ACOT11: variants seen among roughly 807,000 people sequenced by gnomAD.
The protein encoded by ACOT11 is acyl-coenzyme A thioesterase 11.
Under a neutral mutation model 77.5 loss-of-function variants are expected in ACOT11, and 69 were observed. The observed-to-expected ratio is 0.89, with a 90% CI of 0.73 to 1.09. ACOT11 has a LOEUF of 1.09. Ranked by LOEUF, ACOT11 falls within the 50% of genes least tolerant of loss-of-function variation. ACOT11 has a pLI of 0.00. For synonymous variants in ACOT11, 279 were observed against 313.0 expected (o/e 0.89, Z 1.15); for missense variants, 766 against 813.7 (o/e 0.94, Z 0.71).
intron 10 of ACOT11, among the ~76,000 whole-genome samples, chr1:54,603,178 A>C (rs1331385352): frequency 1.3e-5 from 2 of 152,180 alleles, no homozygotes; most frequent in African/African-American, 4.8e-5. Flanking sequence ...CTCTACTAAA[A>C]ATACAAAAAT....
At chr1:54,617,765 C>G (rs1388568137) in intron 15 of ACOT11, among the ~76,000 whole-genome samples, 1 of 124,810 alleles carries the variant, frequency 8.0e-6, no homozygotes, top group Non-Finnish European at 1.6e-5. Flanking sequence ...GCTCTGTTGC[C>G]CAGGCTGGAG....
intron 15 of ACOT11, among the ~76,000 whole-genome samples, chr1:54,620,765 C>T (rs533392700): frequency 6.7e-6 from 1 of 148,282 alleles, no homozygotes; most frequent in African/African-American, 2.5e-5. Context: ...AGGAGAATCA[C>T]CTGAACCCGA....
At chr1:54,618,799 A>C (rs1644200293) in intron 15 of ACOT11, among the ~76,000 whole-genome samples, 1 of 151,940 alleles carries the variant, frequency 6.6e-6, no homozygotes, top group Non-Finnish European at 1.5e-5. Context: ...TCCAGTCCCC[A>C]CCCTAACACT....
rs747945837 is a variant in ACOT11, at chr1:54,607,162, G to A, written c.1399G>A (p.Glu467Lys). ...RSVELVQQVD[E>K]DDAIYHVTSP... ...CGTGGAGCTAGTGCAGCAGGTAGAC[G>A]AGGACGACGCCATCTACCACGTCAC... Residue 467 changes from glutamate (E) to lysine (K), a missense_variant, in exon 14 of 16, where the codon GAG (glutamate) becomes AAG (lysine). Glu to Lys is a moderately conservative substitution (Grantham distance 56). Transcript: ENST00000343744. This position sits in a 1 kb window ranked among gnomAD's most constrained non-coding sequence, Gnocchi z 4.5. The A allele has an allele frequency of 1.1e-5, 18 of 1,614,034 alleles. No individual in the cohort carries two copies. Among genetic ancestry groups the A allele is most frequent in the Middle Eastern group, 1.6e-4 (1 of 6,084 alleles).
chr1:54,609,125 G>T lies in ACOT11; in HGVS notation c.*13G>T. The T allele has an allele frequency of 6.8e-6, 11 of 1,613,940 alleles. No individual in the cohort carries two copies. Among genetic ancestry groups the T allele is most frequent in the African/African-American group, 1.3e-5 (1 of 75,020 alleles). ...CCAGACCCTCTAGATGCCCTCAGTGGCCACATCATGCCCACTCCCACTCCA... is the reference window on the plus strand; with the variant it reads ...CCAGACCCTCTAGATGCCCTCAGTGTCCACATCATGCCCACTCCCACTCCA... On this transcript the variant is annotated 3_prime_UTR_variant, in exon 16 of 16. Transcript: ENST00000343744.
intron 1 of ACOT11, among the ~76,000 whole-genome samples, chr1:54,560,473 G>A (rs1408053784): frequency 6.6e-6 from 1 of 152,120 alleles, no homozygotes; most frequent in Non-Finnish European, 1.5e-5. Context: ...GTAATAATTT[G>A]TCCTCAGCAA....
chr1:54,596,812 G>C (rs546058187), intron 6 of ACOT11, among the ~76,000 whole-genome samples: 2 of 152,150 alleles, frequency 1.3e-5, no homozygotes, highest in South Asian at 4.2e-4. Context: ...TGGCCTCAAG[G>C]GATCTACCCT....
chr1:54,587,252 C>T (rs758403432), intron 3 of ACOT11, among the ~76,000 whole-genome samples: 7 of 152,086 alleles, frequency 4.6e-5, no homozygotes, highest in Non-Finnish European at 7.4e-5. Flanking sequence ...TGGTAGCTCA[C>T]GCCTGTAATC....
At chr1:54,568,910 A>G (rs1653836497) in intron 1 of ACOT11, among the ~76,000 whole-genome samples, 1 of 151,784 alleles carries the variant, frequency 6.6e-6, no homozygotes, top group South Asian at 2.1e-4. Flanking sequence ...TTCTTTTACC[A>G]GACTGGGCAA....
chr1:54,601,793 C>T (rs1251406422), intron 9 of ACOT11, among the ~76,000 whole-genome samples: 3 of 152,204 alleles, frequency 2.0e-5, no homozygotes, highest in Non-Finnish European at 4.4e-5. Context: ...GGTGTATCTG[C>T]AGTCCCTACC....
At chr1:54,567,646 C>T (rs1345036641) in intron 1 of ACOT11, among the ~76,000 whole-genome samples, 3 of 151,502 alleles carry the variant, frequency 2.0e-5, no homozygotes, top group East Asian at 2.0e-4. Flanking sequence ...CCTAGCCGCT[C>T]GCAAACCCTC....
Position 54,599,279 on chromosome 1 carries a change from C to A in ACOT11, c.765-17C>A. On this transcript the variant is annotated splice_polypyrimidine_tract_variant and intron_variant, in intron 7 of 15. Transcript: ENST00000343744. Reference sequence around the variant, plus strand: ...ACCAGGGGCATTCCTTCTGTCTCCCCACCCCTGCCTCCTCAGCCGGCTCTG... The same window carrying A: ...ACCAGGGGCATTCCTTCTGTCTCCCAACCCCTGCCTCCTCAGCCGGCTCTG... 6.6e-7 allele frequency: 1 copy of A among 1,516,268 alleles called. No individual in the cohort carries two copies. The highest frequency in any genetic ancestry group is 2.5e-4 in the Middle Eastern group (1 of 4,048). The allele number at this position is 1,516,268 out of a possible 1,614,324, so 93.9% of individuals were successfully genotyped here. A position where few individuals can be genotyped will look rare whatever the true frequency, so the allele number is the denominator to read the frequency against.
chr1:54,565,063 A>G (rs1326565179), intron 1 of ACOT11, among the ~76,000 whole-genome samples: 1 of 151,996 alleles, frequency 6.6e-6, no homozygotes, highest in African/African-American at 2.4e-5. Context: ...GTCTTCCCCC[A>G]CACCACCCCA....
chr1:54,577,018 T>C (rs1445427322), intron 1 of ACOT11, among the ~76,000 whole-genome samples: 1 of 152,210 alleles, frequency 6.6e-6, no homozygotes, highest in Non-Finnish European at 1.5e-5. Context: ...TGCTTTCTGC[T>C]TTCACCATAT....
intron 1 of ACOT11, among the ~76,000 whole-genome samples, chr1:54,565,284 A>G (rs904902418): frequency 6.6e-5 from 10 of 152,336 alleles, no homozygotes; most frequent in African/African-American, 1.9e-4. Context: ...TGGGATCCAC[A>G]GGTCGGAAAC....
At chr1:54,638,187 A>G (rs182131278) in exon 17 of ACOT11, 4 of 152,314 alleles carry the variant, frequency 2.6e-5, no homozygotes, top group African/African-American at 7.2e-5. Context: ...TAGATTGATC[A>G]CCAAAAAGGT....
intron 6 of ACOT11, among the ~76,000 whole-genome samples, chr1:54,595,994 C>T (rs1319206092): frequency 1.3e-5 from 2 of 152,286 alleles, no homozygotes; most frequent in Admixed American, 6.5e-5. Context: ...CTGGGGAGGC[C>T]CAGCTCTTCC....
chr1:54,599,428 G>C lies in ACOT11; in HGVS notation c.884+13G>C. 6.3e-7 allele frequency: 1 copy of C among 1,597,112 alleles called. No individual in the cohort carries two copies. On this transcript the variant is annotated intron_variant, in intron 8 of 15. Coordinates refer to ENST00000343744, the MANE Select transcript of ACOT11 (RefSeq NM_147161.4). ...CCTTCAAACATAGGTGAGGGTCTGG[G>C]ATGGGTGCGGCCACGTCCATTCAGG... is the stretch of plus-strand genomic sequence containing the variant.
At chr1:54,590,956 C>T (rs991118201) in intron 3 of ACOT11, among the ~76,000 whole-genome samples, 5 of 152,086 alleles carry the variant, frequency 3.3e-5, no homozygotes, top group Non-Finnish European at 7.4e-5. Flanking sequence ...TAGAGTTTCA[C>T]CATGTTGGCC....
Sources: allele counts gnomAD v4.1 joint callset (sites outside exome capture counted in the v4.1 genomes callset), GRCh38; gene constraint gnomAD v4.1.1; non-coding constraint Gnocchi (gnomAD v3.1); transcripts MANE v1.5; gene names NCBI Gene and HGNC (gene_info 2026-07-23, HGNC 2026-07-21).